Variants in CNOT6L observed in about 807,000 individuals in gnomAD.
CNOT6L encodes the protein CCR4-NOT transcription complex subunit 6 like.
CNOT6L carries 7 observed loss-of-function variants against 64.0 expected under a neutral mutation model. The ratio of observed to expected loss-of-function variants is 0.11; its 90% CI spans 0.06 to 0.21. The LOEUF is 0.21. Ranked by LOEUF, CNOT6L falls within the 10% of genes least tolerant of loss-of-function variation. The pLI is 1.00. For synonymous variants in CNOT6L, 193 were observed against 243.4 expected (o/e 0.79, Z 1.93); for missense variants, 245 against 669.0 (o/e 0.37, Z 6.99).
rs7673772 is a variant in CNOT6L at position 77,806,293 on chromosome 4, C to T, written c.5+13011G>A. Among the ~76,000 whole-genome samples the T allele has an allele frequency of 6.7e-3, 1,016 of 152,076 alleles. 5 individuals carry two copies. The highest frequency in any genetic ancestry group is 0.014 in the African/African-American group (589 of 41,496). On this transcript the variant is annotated intron_variant, in intron 1 of 11. Coordinates refer to ENST00000504123, the MANE Select transcript of CNOT6L (RefSeq NM_144571.3). Reference sequence around the variant, plus strand: ...ATACAAAATTAGCCGGGCGTGGTGGCGCATGCCTGTAATCCCAGGTACTCA... The same window carrying T: ...ATACAAAATTAGCCGGGCGTGGTGGTGCATGCCTGTAATCCCAGGTACTCA...
At chr4:77,797,421 G>C (rs1286592898) in intron 1 of CNOT6L, among the ~76,000 whole-genome samples, 1 of 152,144 alleles carries the variant, frequency 6.6e-6, no homozygotes, top group East Asian at 1.9e-4. Flanking sequence ...GTCTCTTTCA[G>C]TCCTGCTTGG....
Position 77,715,509 on chromosome 4 carries a change from C to G in CNOT6L, c.*4922G>C, listed in dbSNP as rs1289838510. 1 of 152,050 alleles carries G rather than the reference C, an allele frequency of 6.6e-6. No individual in the cohort carries two copies. The highest frequency in any genetic ancestry group is 1.5e-5 in the Non-Finnish European group (1 of 67,978). The allele number at this position is 152,050 out of a possible 1,614,324, so 9.4% of individuals were successfully genotyped here. A position where few individuals can be genotyped will look rare whatever the true frequency, so the allele number is the denominator to read the frequency against. ...TTTTCCTTTGGTTCCAGGAAAAACC[C>G]AAGTCTAACCAAATGTATGCCACAA... On this transcript the variant is annotated 3_prime_UTR_variant, in exon 12 of 12. Transcript: ENST00000504123.
chr4:77,772,236 C>T (rs542014036), intron 4 of CNOT6L, among the ~76,000 whole-genome samples: 396 of 152,164 alleles, frequency 2.6e-3, no homozygotes, highest in Middle Eastern at 0.02. Flanking sequence ...GTAAAGTAAT[C>T]CCTTTTTTTT....
chr4:77,805,661 A>G (rs1248447900), intron 1 of CNOT6L, among the ~76,000 whole-genome samples: 1 of 152,250 alleles, frequency 6.6e-6, no homozygotes, highest in East Asian at 1.9e-4. Context: ...TTAGTAGAGA[A>G]GCATATATAT....
chr4:77,808,570 G>A (rs2110169672), intron 1 of CNOT6L, among the ~76,000 whole-genome samples: 1 of 152,114 alleles, frequency 6.6e-6, no homozygotes, highest in South Asian at 2.1e-4. Flanking sequence ...TTAAAGGACT[G>A]TAAGCAGAGA....
intron 1 of CNOT6L, among the ~76,000 whole-genome samples, chr4:77,777,238 CAA>C (rs766345478): frequency 2.0e-5 from 3 of 152,134 alleles, no homozygotes; most frequent in African/African-American, 7.2e-5. Context: ...TTTTCATGCT[CAA>C]AAGAGTCCAA....
At chr4:77,778,910 G>A (rs1728480568) in intron 1 of CNOT6L, among the ~76,000 whole-genome samples, 1 of 151,580 alleles carries the variant, frequency 6.6e-6, no homozygotes, top group Non-Finnish European at 1.5e-5. Context: ...AGCGGGGCGT[G>A]GTGGCGGGCG....
Position 77,819,331 on chromosome 4 carries a change from A to G in CNOT6L, c.-23T>C. On this transcript the variant is annotated 5_prime_UTR_variant, in exon 1 of 12. Coordinates refer to ENST00000504123, the MANE Select transcript of CNOT6L (RefSeq NM_144571.3). ...CATTCTCTTCCTCTGGCCCAGAAGC[A>G]ACAGCAGCCATTTCCCCGCGGCAGG... 6.2e-7 allele frequency: 1 copy of G among 1,613,404 alleles called. No homozygotes were observed. The highest frequency in any genetic ancestry group is 8.5e-7 in the Non-Finnish European group (1 of 1,179,660).
At chr4:77,767,027 C>T (rs1726911821) in intron 4 of CNOT6L, among the ~76,000 whole-genome samples, 1 of 127,110 alleles carries the variant, frequency 7.9e-6, no homozygotes, top group African/African-American at 3.1e-5. Flanking sequence ...CGCGCCACTG[C>T]ACTCCAGCCT....
intron 1 of CNOT6L, among the ~76,000 whole-genome samples, chr4:77,818,695 G>A (rs970141286): frequency 1.9e-4 from 29 of 152,094 alleles, no homozygotes; most frequent in Non-Finnish European, 2.8e-4. Flanking sequence ...CACGGCGACG[G>A]CAATCGGCGA....
At chr4:77,763,717 T>C (rs1162490573) in intron 4 of CNOT6L, among the ~76,000 whole-genome samples, 1 of 152,166 alleles carries the variant, frequency 6.6e-6, no homozygotes, top group Non-Finnish European at 1.5e-5. Context: ...AGATACAGGT[T>C]GAACATTTAC....
At chr4:77,803,731 C>T (rs1731882365) in intron 1 of CNOT6L, among the ~76,000 whole-genome samples, 2 of 152,012 alleles carry the variant, frequency 1.3e-5, no homozygotes, top group Admixed American at 1.3e-4. Flanking sequence ...TGGAGAAACC[C>T]CATCTCCACC....
rs370301356 is a variant in CNOT6L at position 77,752,562 on chromosome 4, G to A, written c.491-4178C>T. On this transcript the variant is annotated intron_variant, in intron 5 of 11. Coordinates refer to ENST00000504123, the MANE Select transcript of CNOT6L (RefSeq NM_144571.3). ...CCATGGAATTAAGCTAGGAACCTAT[G>A]ACAAAGAAAACTGGAAGAACTCCTC... Among the ~76,000 whole-genome samples, 7 of 152,166 alleles carry A rather than the reference G, an allele frequency of 4.6e-5. No homozygotes were observed. In the East Asian group the frequency reaches 1.4e-3, roughly 29 times the overall value.
At chr4:77,759,693 A>T (rs1725964744) in intron 4 of CNOT6L, among the ~76,000 whole-genome samples, 1 of 152,228 alleles carries the variant, frequency 6.6e-6, no homozygotes, top group Non-Finnish European at 1.5e-5. Context: ...AGTATCCCCA[A>T]AGAGTTACAC....
intron 6 of CNOT6L, among the ~76,000 whole-genome samples, chr4:77,747,197 C>T (rs1724294161): frequency 6.6e-6 from 1 of 152,126 alleles, no homozygotes; most frequent in South Asian, 2.1e-4. Context: ...GGGTCTTGCT[C>T]TGTCTCCTAG....
chr4:77,817,366 C>T (rs1221459543), intron 1 of CNOT6L, among the ~76,000 whole-genome samples: 2 of 151,986 alleles, frequency 1.3e-5, no homozygotes, highest in Non-Finnish European at 2.9e-5. Context: ...ATTCCATTGT[C>T]TTTTTTACGT....
chr4:77,788,572 C>CA (rs1729727862), intron 1 of CNOT6L, among the ~76,000 whole-genome samples: 1 of 151,844 alleles, frequency 6.6e-6, no homozygotes, highest in African/African-American at 2.4e-5. Context: ...CACTAAAATA[C>CA]AAAAAATTAG....
intron 1 of CNOT6L, among the ~76,000 whole-genome samples, chr4:77,793,693 A>C (rs1211341027): frequency 6.6e-6 from 1 of 152,178 alleles, no homozygotes; most frequent in African/African-American, 2.4e-5. Context: ...AGTGTTGGGT[A>C]GGGGAGCTGA....
At chr4:77,725,375 T>C (rs953518535) in intron 11 of CNOT6L, among the ~76,000 whole-genome samples, 6 of 152,208 alleles carry the variant, frequency 3.9e-5, no homozygotes, top group Non-Finnish European at 7.3e-5. Context: ...TTTTTCCAGA[T>C]AGTATAAGAT....
Sources: gnomAD v4.1 joint callset for allele counts (sites outside exome capture counted in the v4.1 genomes callset) on GRCh38, gnomAD v4.1.1 for gene constraint, MANE v1.5 for transcripts, NCBI Gene and HGNC (gene_info 2026-07-23, HGNC 2026-07-21) for gene names.